MCM9: variants seen among roughly 807,000 people sequenced by gnomAD.
MCM9 encodes the protein minichromosome maintenance 9 homologous recombination repair factor.
Under a neutral mutation model 72.8 loss-of-function variants are expected in MCM9, and 55 were observed. The ratio of observed to expected loss-of-function variants is 0.76; its 90% CI spans 0.61 to 0.95. The LOEUF is 0.95. Among genes scored for constraint, MCM9 ranks in the 40% least tolerant of loss-of-function variants. The pLI, the probability that MCM9 is intolerant of heterozygous loss-of-function variation, is 0.00. For synonymous variants in MCM9, 480 were observed against 503.4 expected, an observed-to-expected ratio of 0.95 and a Z score of 0.62; for missense variants, 1,279 against 1,377.0, an observed-to-expected ratio of 0.93 and a Z score of 1.13.
At chr6:118,866,340 G>T (rs745846597) in intron 8 of MCM9, among the ~76,000 whole-genome samples, 1 of 152,118 alleles carries the variant, frequency 6.6e-6, no homozygotes, top group Admixed American at 6.6e-5. Flanking sequence ...ACATTCCAAA[G>T]AAAAGAATAT....
chr6:118,832,286 A>G (rs1455712328), intron 9 of MCM9, among the ~76,000 whole-genome samples: 1 of 151,632 alleles, frequency 6.6e-6, no homozygotes, highest in Non-Finnish European at 1.5e-5. Flanking sequence ...CTGGTCTTGA[A>G]CTCCTGGCCC....
chr6:118,892,407 T>C (rs1333026369), intron 8 of MCM9, among the ~76,000 whole-genome samples: 1 of 152,218 alleles, frequency 6.6e-6, no homozygotes, highest in East Asian at 1.9e-4. Flanking sequence ...ACTAGTCTCA[T>C]TGTAACACTT....
At chr6:118,818,758 G>A (rs961583504) in intron 13 of MCM9, among the ~76,000 whole-genome samples, 1 of 152,170 alleles carries the variant, frequency 6.6e-6, no homozygotes, top group African/African-American at 2.4e-5. Flanking sequence ...CCCTATCCAT[G>A]AGCATGGAAT....
intron 8 of MCM9, 24 bp from the exon 9 acceptor site, chr6:118,856,569 C>T (rs794864): frequency 0.053 from 80,989 of 1,534,270 alleles, 3,297 homozygotes; most frequent in East Asian, 0.19. Flanking sequence ...CAAGCCATAT[C>T]AACTTTTATT....
In MCM9 at chr6:118,828,067, A is replaced by G. The variant is rs1359279588; in HGVS notation, c.1592T>C (p.Ile531Thr). The G allele has an allele frequency of 1.1e-5, 17 of 1,550,568 alleles. No individual in the cohort carries two copies. The highest frequency in any genetic ancestry group is 1.7e-4 in the Middle Eastern group (1 of 6,010). The change falls in exon 11 of 14, where the codon ATA becomes ACA. Residue 531 changes from isoleucine (I) to threonine (T), a missense_variant. Ile to Thr is a moderately conservative substitution (Grantham distance 89). Transcript: ENST00000619706. ...MEKMKTYFCL[I>T]RNLQPTLSDV... is the part of the protein sequence containing the mutation. ...AGACAGTGTGGGCTGCAGATTCCTT[A>G]TGAGGCAGAAATAGGTTTTCATCTT... is the stretch of plus-strand genomic sequence containing the variant.
intron 9 of MCM9, among the ~76,000 whole-genome samples, chr6:118,842,252 A>T (rs1263832497): frequency 6.6e-6 from 1 of 152,232 alleles, no homozygotes; most frequent in Non-Finnish European, 1.5e-5. Flanking sequence ...TCTTCAACAA[A>T]TATTGAGGAT....
At chr6:118,921,651 C>T (rs942029047) in intron 5 of MCM9, 1 of 166,388 alleles carries the variant, frequency 6.0e-6, no homozygotes, top group Non-Finnish European at 1.3e-5. Flanking sequence ...ATTAAATTCA[C>T]TACATTTTTT....
chr6:118,849,745 C>T (rs1776106251), intron 9 of MCM9, among the ~76,000 whole-genome samples: 2 of 151,776 alleles, frequency 1.3e-5, no homozygotes. Flanking sequence ...AATAAGAATA[C>T]TACATATAAT....
intron 5 of MCM9, chr6:118,918,468 G>A (rs1781142124): frequency 6.6e-6 from 1 of 152,256 alleles, no homozygotes; most frequent in Non-Finnish European, 1.5e-5. Flanking sequence ...AACTTTTATA[G>A]ATTTTCCTAA....
intron 9 of MCM9, among the ~76,000 whole-genome samples, chr6:118,832,065 CTTAT>C (rs2114569898): frequency 6.6e-6 from 1 of 152,240 alleles, no homozygotes; most frequent in Non-Finnish European, 1.5e-5. Flanking sequence ...ATTTGCCTTA[CTTAT>C]TTTTTTTAAA....
chr6:118,865,899 C>G (rs984725327), intron 8 of MCM9, among the ~76,000 whole-genome samples: 1 of 152,184 alleles, frequency 6.6e-6, no homozygotes, highest in Non-Finnish European at 1.5e-5. Context: ...AGCTATCTCC[C>G]CAGGATCTGA....
chr6:118,839,780 T>C (rs1326252883), intron 9 of MCM9, among the ~76,000 whole-genome samples: 11 of 152,160 alleles, frequency 7.2e-5, no homozygotes, highest in Non-Finnish European at 1.5e-4. Flanking sequence ...TTGCTGCCTG[T>C]TCCTTCCTCT....
At position 118,931,734 on chromosome 6, in the gene MCM9, G is replaced by T; in HGVS notation, c.-11C>A. The T allele has an allele frequency of 6.4e-7, 1 of 1,570,606 alleles. No individual in the cohort carries two copies. The highest frequency in any genetic ancestry group is 1.9e-5 in the Admixed American group (1 of 53,000). ...TTGATCGCTATTCATCTTGAATCTA[G>T]GTAACTAAAGAAAAAAAAAAGGATC... On this transcript the variant is annotated 5_prime_UTR_variant, in exon 3 of 14. Coordinates refer to ENST00000619706, the MANE Select transcript of MCM9 (RefSeq NM_017696.3).
chr6:118,858,843 T>C (rs370801869), intron 8 of MCM9, among the ~76,000 whole-genome samples: 2 of 152,286 alleles, frequency 1.3e-5, no homozygotes, highest in African/African-American at 4.8e-5. Context: ...ATTTTCAAGA[T>C]GTCAATTCTC....
rs188177700 is a variant in MCM9, at chr6:118,887,595, G to A, written c.1150+24055C>T. 1.4e-3 allele frequency among the ~76,000 whole-genome samples: 210 copies of A among 152,158 alleles called. 1 individual carries two copies. The highest frequency in any genetic ancestry group is 2.3e-3 in the Non-Finnish European group (155 of 67,970). On this transcript the variant is annotated intron_variant, in intron 8 of 13. Transcript: ENST00000619706. ...TGGTTTTTGAGAAATGACATCAAAA[G>A]CACAATCCAACATAACGAAAATAGA...
rs1385964137 is a variant in MCM9, at chr6:118,886,113, T to C, written c.1150+25537A>G. Among the ~76,000 whole-genome samples, 5 of 150,698 alleles carry C rather than the reference T, an allele frequency of 3.3e-5. No homozygotes were observed. In the East Asian group the frequency reaches 9.7e-4, roughly 29 times the overall value. On this transcript the variant is annotated intron_variant, in intron 8 of 13. Coordinates refer to ENST00000619706, the MANE Select transcript of MCM9 (RefSeq NM_017696.3). ...ATCTCAATAGAAGCAGGAAAAGCAT[T>C]TGACAAAATTCAATACCCTTTCATG...
intron 6 of MCM9, among the ~76,000 whole-genome samples, chr6:118,916,344 T>C (rs1780944436): frequency 6.7e-6 from 1 of 149,594 alleles, no homozygotes; most frequent in South Asian, 2.1e-4. Context: ...ACTACTAATG[T>C]GCTATACATT....
chr6:118,934,665 T>G (rs1782756811), intron 1 of MCM9: 1 of 152,210 alleles, frequency 6.6e-6, no homozygotes, highest in African/African-American at 2.4e-5. Flanking sequence ...CGCTCGGTTT[T>G]GGAGGCATGC....
At chr6:118,831,592 G>T (rs1373918717) in intron 9 of MCM9, among the ~76,000 whole-genome samples, 1 of 151,816 alleles carries the variant, frequency 6.6e-6, no homozygotes, top group East Asian at 1.9e-4. Flanking sequence ...ATGTAAACCT[G>T]GTGGGTACAG....
Sources: allele counts gnomAD v4.1 joint callset (sites outside exome capture counted in the v4.1 genomes callset), GRCh38; gene constraint gnomAD v4.1.1; transcripts MANE v1.5; gene names NCBI Gene and HGNC (gene_info 2026-07-23, HGNC 2026-07-21).